The following GNAQ variants were observed in gnomAD, a reference collection of about 807,000 sequenced individuals.
GNAQ encodes G protein subunit alpha q.
A neutral mutation model predicts 43.9 loss-of-function variants in GNAQ; 8 were observed. The observed-to-expected ratio is 0.18, with a 90% CI of 0.11 to 0.33. GNAQ has a LOEUF of 0.33. Ranked by LOEUF, GNAQ falls within the 10% of genes least tolerant of loss-of-function variation. The pLI is 1.00. For missense variants in GNAQ, 158 were observed against 450.8 expected, an observed-to-expected ratio of 0.35 and a Z score of 5.88; for synonymous variants, 155 against 170.7, an observed-to-expected ratio of 0.91 and a Z score of 0.71.
At chr9:78,008,604 CA>C in intron 1 of GNAQ, among the ~76,000 whole-genome samples, 1 of 140,220 alleles carries the variant, frequency 7.1e-6, no homozygotes, top group African/African-American at 2.9e-5. Context: ...CATTTCATTT[CA>C]TTTCATTTCA....
rs76763610 is a variant in GNAQ, at chr9:77,977,465, A to G, written c.136+53635T>C. ...TGAGCTCCCTCTTGAAAAAAAAACA[A>G]CAGCAGCTACCATTGTTCAACCCAC... On this transcript the variant is annotated intron_variant, in intron 1 of 6. Coordinates refer to ENST00000286548, the MANE Select transcript of GNAQ (RefSeq NM_002072.5). 4.2e-3 allele frequency among the ~76,000 whole-genome samples: 643 copies of G among 152,304 alleles called. 4 individuals carry two copies. The highest frequency in any genetic ancestry group is 0.015 in the African/African-American group (615 of 41,566).
chr9:77,856,995 C>T (rs1319149366), intron 2 of GNAQ, among the ~76,000 whole-genome samples: 1 of 152,164 alleles, frequency 6.6e-6, no homozygotes, highest in African/African-American at 2.4e-5. Context: ...CTTCCAAATT[C>T]CCTCTGTCAC....
chr9:77,907,565 T>C (rs996459230), intron 2 of GNAQ, among the ~76,000 whole-genome samples: 4 of 152,196 alleles, frequency 2.6e-5, no homozygotes, highest in African/African-American at 9.7e-5. Context: ...GAAAAATACT[T>C]GGTGGCATTT....
intron 1 of GNAQ, among the ~76,000 whole-genome samples, chr9:78,014,865 T>G (rs1823818611): frequency 6.6e-6 from 1 of 152,218 alleles, no homozygotes; most frequent in South Asian, 2.1e-4. Context: ...ACAGACCACG[T>G]AAATAACTGT....
chr9:77,761,887 C>T (rs1243732554), intron 5 of GNAQ, among the ~76,000 whole-genome samples: 3 of 100,888 alleles, frequency 3.0e-5, no homozygotes, highest in Non-Finnish European at 6.3e-5. Flanking sequence ...CCGCCCCATC[C>T]GGGAGGGAGG....
chr9:77,880,471 C>A (rs1175565050), intron 2 of GNAQ, among the ~76,000 whole-genome samples: 1 of 151,986 alleles, frequency 6.6e-6, no homozygotes, highest in African/African-American at 2.4e-5. Context: ...GCCTTGAACT[C>A]CTGGGATCAA....
At chr9:78,030,396 C>T (rs560128480) in intron 1 of GNAQ, 29 of 404,562 alleles carry the variant, frequency 7.2e-5, no homozygotes, top group Non-Finnish European at 1.6e-5. Flanking sequence ...AGGCTCCCTC[C>T]TTTCGATGGT....
intron 6 of GNAQ, among the ~76,000 whole-genome samples, chr9:77,723,485 C>A (rs1224227911): frequency 6.6e-6 from 1 of 152,206 alleles, no homozygotes. Flanking sequence ...TTAATAGCAG[C>A]ATTGTTAACA....
Position 77,756,105 on chromosome 9 carries a change from C to T in GNAQ, c.736-27438G>A, listed in dbSNP as rs370165011. Among the ~76,000 whole-genome samples, 9 of 152,322 alleles carry T rather than the reference C, an allele frequency of 5.9e-5. No homozygotes were observed. In the South Asian group the frequency reaches 1.9e-3, roughly 32 times the overall value. On this transcript the variant is annotated intron_variant, in intron 5 of 6. Coordinates refer to ENST00000286548, the MANE Select transcript of GNAQ (RefSeq NM_002072.5). Reference sequence around the variant, plus strand: ...TTTCTCCTGTGCTGGATGCTTCCTGCCCTTGAACATCAGACTCCAAATTCT... The same window carrying T: ...TTTCTCCTGTGCTGGATGCTTCCTGTCCTTGAACATCAGACTCCAAATTCT...
At chr9:77,887,555 C>T (rs960794184) in intron 2 of GNAQ, among the ~76,000 whole-genome samples, 2 of 152,162 alleles carry the variant, frequency 1.3e-5, no homozygotes, top group Admixed American at 1.3e-4. Context: ...TGTCCATGGA[C>T]ATAGGTAAGG....
chr9:77,926,557 T>C (rs1255005819), intron 1 of GNAQ, among the ~76,000 whole-genome samples: 2 of 152,178 alleles, frequency 1.3e-5, no homozygotes, highest in Admixed American at 6.6e-5. Context: ...ACTGGTACTA[T>C]AAAATCTGGT....
At chr9:77,951,437 T>C (rs1481509920) in intron 1 of GNAQ, among the ~76,000 whole-genome samples, 1 of 152,198 alleles carries the variant, frequency 6.6e-6, no homozygotes, top group South Asian at 2.1e-4. Flanking sequence ...GCTAAAGATA[T>C]GTTTGGACTC....
chr9:77,761,313 G>C (rs1369740432), intron 5 of GNAQ, among the ~76,000 whole-genome samples: 1 of 128,912 alleles, frequency 7.8e-6, no homozygotes, highest in Non-Finnish European at 1.7e-5. Context: ...GCCCCATCCG[G>C]GAGGGAGGTG....
intron 1 of GNAQ, among the ~76,000 whole-genome samples, chr9:77,978,671 C>G (rs1823332082): frequency 6.6e-6 from 1 of 152,130 alleles, no homozygotes; most frequent in Non-Finnish European, 1.5e-5. Context: ...GAAATAGAAC[C>G]CTTTATCAGT....
At chr9:77,981,781 A>C (rs1327300478) in intron 1 of GNAQ, among the ~76,000 whole-genome samples, 1 of 152,150 alleles carries the variant, frequency 6.6e-6, no homozygotes, top group Admixed American at 6.5e-5. Flanking sequence ...GCAGCTCCAG[A>C]ACTCATCTTC....
At chr9:77,819,293 A>C (rs1827073252) in intron 2 of GNAQ, among the ~76,000 whole-genome samples, 1 of 152,162 alleles carries the variant, frequency 6.6e-6, no homozygotes, top group South Asian at 2.1e-4. Flanking sequence ...TCTTGTTTTC[A>C]GATTCAGTCG....
intron 1 of GNAQ, among the ~76,000 whole-genome samples, chr9:78,017,042 T>C (rs1264375955): frequency 1.3e-5 from 2 of 152,180 alleles, no homozygotes; most frequent in African/African-American, 4.8e-5. Context: ...TCATACAGCG[T>C]GCAAAAATAC....
chr9:77,881,274 T>C (rs974399803), intron 2 of GNAQ, among the ~76,000 whole-genome samples: 3 of 152,202 alleles, frequency 2.0e-5, no homozygotes, highest in Non-Finnish European at 4.4e-5. Flanking sequence ...CAGAGAGCCA[T>C]TGTCTGGTTT....
intron 2 of GNAQ, among the ~76,000 whole-genome samples, chr9:77,822,216 G>A (rs974578722): frequency 1.3e-5 from 2 of 152,110 alleles, no homozygotes; most frequent in Admixed American, 6.6e-5. Context: ...ATCTGTTGAC[G>A]AGACTGTTGG....
Sources: allele counts gnomAD v4.1 joint callset (sites outside exome capture counted in the v4.1 genomes callset), GRCh38; gene constraint gnomAD v4.1.1; transcripts MANE v1.5; gene names NCBI Gene and HGNC (gene_info 2026-07-23, HGNC 2026-07-21).